The following ANO4 variants were observed in gnomAD, a reference collection of about 807,000 sequenced individuals.
ANO4 encodes the protein anoctamin 4.
Under a neutral mutation model 141.9 loss-of-function variants are expected in ANO4, and 69 were observed. The ratio of observed to expected loss-of-function variants is 0.49; its 90% confidence interval spans 0.40 to 0.59. The LOEUF is 0.59. Among genes scored for constraint, ANO4 ranks in the 20% least tolerant of loss-of-function variants. The pLI is 0.00. For missense variants in ANO4, 894 were observed against 1,162.2 expected (o/e 0.77, Z 3.36); for synonymous variants, 350 against 394.3 (o/e 0.89, Z 1.33).
chr12:100,884,998 G>A (rs577232207), intron 1 of ANO4, among the ~76,000 whole-genome samples: 2 of 152,280 alleles, frequency 1.3e-5, no homozygotes, highest in East Asian at 3.9e-4. Flanking sequence ...CCCAGCCTCG[G>A]TGCCTTTTCC....
chr12:100,876,652 G>A (rs1410009727), intron 1 of ANO4, among the ~76,000 whole-genome samples: 1 of 152,180 alleles, frequency 6.6e-6, no homozygotes, highest in East Asian at 1.9e-4. Context: ...GAATAGTCAT[G>A]TGATTCCATT....
chr12:100,843,893 C>T (rs1016086794), intron 1 of ANO4, among the ~76,000 whole-genome samples: 1 of 152,170 alleles, frequency 6.6e-6, no homozygotes, highest in Non-Finnish European at 1.5e-5. Flanking sequence ...TTAGATAATT[C>T]TCTTCCGATA....
chr12:100,976,769 A>G (rs1008860221), intron 7 of ANO4, among the ~76,000 whole-genome samples: 6 of 152,232 alleles, frequency 3.9e-5, no homozygotes, highest in East Asian at 1.9e-4. Flanking sequence ...ACAAAAACCA[A>G]TATCAAAGAA....
intron 1 of ANO4, among the ~76,000 whole-genome samples, chr12:100,891,111 G>A (rs903798709): frequency 2.0e-5 from 3 of 152,124 alleles, no homozygotes; most frequent in African/African-American, 7.2e-5. Context: ...TAAGTAAATG[G>A]ACAGTTAAGG....
At chr12:101,069,833 A>G (rs2048737120) in intron 14 of ANO4, among the ~76,000 whole-genome samples, 1 of 152,120 alleles carries the variant, frequency 6.6e-6, no homozygotes, top group Non-Finnish European at 1.5e-5. Context: ...ACGGGTATAT[A>G]TGGAAACTGA....
At chr12:101,120,743 A>G in intron 26 of ANO4, 118 bp downstream of exon 26, 1 of 762,294 alleles carries the variant, frequency 1.3e-6, no homozygotes, top group Non-Finnish European at 2.2e-6. Context: ...CAGAAGTAGT[A>G]GTGTCATATT....
At chr12:100,852,244 TA>T (rs562681601) in intron 1 of ANO4, 134 of 152,272 alleles carry the variant, frequency 8.8e-4, no homozygotes, top group African/African-American at 3.0e-3. Flanking sequence ...CCTAATCTAT[TA>T]AAAACATATT....
intron 6 of ANO4, 128 bp downstream of exon 6, chr12:100,971,534 G>A (rs2043935347): frequency 3.5e-6 from 2 of 571,836 alleles, no homozygotes; most frequent in Non-Finnish European, 5.8e-6. Flanking sequence ...TCTTTCAAAT[G>A]TTTAGGATAT....
intron 14 of ANO4, among the ~76,000 whole-genome samples, chr12:101,053,131 A>C (rs2047941254): frequency 6.6e-6 from 1 of 152,240 alleles, no homozygotes; most frequent in East Asian, 1.9e-4. Flanking sequence ...ATTATAATAC[A>C]GGGCAAGTCC....
At chr12:100,875,515 T>C (rs1025474391) in intron 1 of ANO4, among the ~76,000 whole-genome samples, 1 of 152,200 alleles carries the variant, frequency 6.6e-6, no homozygotes, top group Admixed American at 6.5e-5. Context: ...TGATAAACTT[T>C]TAAAAATTAA....
rs751158965 is a variant in ANO4, at chr12:101,110,406, C to T, written c.2152C>T (p.Leu718Phe). Reference sequence around the variant, plus strand: ...CTTTTTCCTTTTTTCTTTTCTAGTTCTTCAGTTTGGATTCACAACTATCTT... The same window carrying T: ...CTTTTTCCTTTTTTCTTTTCTAGTTTTTCAGTTTGGATTCACAACTATCTT... ...GLFDEYLEMI[L>F]QFGFTTIFVA... The change falls in exon 23 of 28, where the codon CTT becomes TTT. Residue 718 changes from leucine (L) to phenylalanine (F), a missense_variant and splice_region_variant. Physicochemically the swap from Leu to Phe is conservative, Grantham distance 22. Around this residue, in one of 2 missense-constraint regions of ANO4, gnomAD observed 637 missense variants for 909.2 expected, o/e 0.70. Coordinates refer to ENST00000392977, the MANE Select transcript of ANO4 (RefSeq NM_001286615.2). 5.6e-6 allele frequency: 9 copies of T among 1,601,004 alleles called. No individual in the cohort carries two copies. The highest frequency in any genetic ancestry group is 1.1e-5 in the South Asian group (1 of 87,532).
intron 8 of ANO4, among the ~76,000 whole-genome samples, chr12:101,000,166 C>A (rs1232377960): frequency 6.6e-6 from 1 of 152,008 alleles, no homozygotes; most frequent in Admixed American, 6.6e-5. Context: ...ACTGAGAATC[C>A]TTTGGAGAAT....
chr12:101,102,850 C>A (rs1050004372), intron 22 of ANO4, among the ~76,000 whole-genome samples: 3 of 151,726 alleles, frequency 2.0e-5, no homozygotes, highest in African/African-American at 4.8e-5. Context: ...AATGGTATAC[C>A]TTTGCATTTA....
chr12:101,004,167 A>G (rs546181781), intron 8 of ANO4, among the ~76,000 whole-genome samples: 7 of 151,878 alleles, frequency 4.6e-5, no homozygotes, highest in Non-Finnish European at 7.4e-5. Context: ...GTGAAGAACT[A>G]TAGTGTCGCA....
intron 2 of ANO4, among the ~76,000 whole-genome samples, chr12:100,913,770 A>G (rs148822270): frequency 4.6e-4 from 70 of 152,308 alleles, no homozygotes; most frequent in African/African-American, 1.6e-3. Flanking sequence ...GTCAGTTAAT[A>G]GTGAGCTTTT....
At chr12:101,018,362 A>G (rs2046393343) in intron 8 of ANO4, among the ~76,000 whole-genome samples, 1 of 152,170 alleles carries the variant, frequency 6.6e-6, no homozygotes, top group Admixed American at 6.5e-5. Context: ...TCATCCACCA[A>G]CTCAAATTAC....
chr12:100,871,570 G>A (rs990180206), intron 1 of ANO4, among the ~76,000 whole-genome samples: 1 of 152,198 alleles, frequency 6.6e-6, no homozygotes, highest in Non-Finnish European at 1.5e-5. Flanking sequence ...TGACAGCAAG[G>A]ACTGTTAATT....
intron 9 of ANO4, among the ~76,000 whole-genome samples, chr12:101,023,700 G>A (rs770213221): frequency 6.6e-6 from 1 of 152,040 alleles, no homozygotes; most frequent in Admixed American, 6.6e-5. Flanking sequence ...AAGAAAATTG[G>A]TAATGATGAA....
rs71091474 is a variant in ANO4, at chr12:100,979,895, C to CTTTT, written c.602+5021_602+5024dup. ...GGCGCCCACCACCACGCCCAGCTGA[C>CTTTT]TTTTTTTTTTTTTTTTTTGTATTTT... On this transcript the variant is annotated intron_variant, in intron 7 of 27. Transcript: ENST00000392977. Among the ~76,000 whole-genome samples, 384 of 119,382 alleles carry CTTTT rather than the reference C, an allele frequency of 3.2e-3. 2 individuals carry two copies. Among genetic ancestry groups the CTTTT allele is most frequent in the Middle Eastern group, 5.2e-3 (1 of 192 alleles). The allele number at this position is 119,382 out of a possible 152,430, so 78.3% of individuals were successfully genotyped here.
Sources: gnomAD v4.1 joint callset for allele counts (sites outside exome capture counted in the v4.1 genomes callset) on GRCh38, gnomAD v4.1.1 for gene constraint, gnomAD v4.1.1 regional missense constraint, MANE v1.5 for transcripts, NCBI Gene and HGNC (gene_info 2026-07-23, HGNC 2026-07-21) for gene names.